The following HDGF variants were observed in gnomAD, a reference collection of about 807,000 sequenced individuals.
HDGF encodes the protein hepatoma-derived growth factor.
HDGF carries 5 observed loss-of-function variants against 30.0 expected under a neutral mutation model. The ratio of observed to expected loss-of-function variants is 0.17; its 90% CI spans 0.09 to 0.35. The LOEUF (loss-of-function observed/expected upper bound fraction) is 0.35. Ranked by LOEUF, HDGF falls within the 10% of genes least tolerant of loss-of-function variation. The pLI is 1.00. For synonymous variants in HDGF, 133 were observed against 112.7 expected (o/e 1.18, Z -1.14); for missense variants, 214 against 302.8 (o/e 0.71, Z 2.18).
upstream of HDGF, among the ~76,000 whole-genome samples, chr1:156,756,793 C>CT (rs558782106): frequency 0.022 from 2,706 of 122,422 alleles, 135 homozygotes; most frequent in African/African-American, 0.07. Context: ...AAAAGGTGGT[C>CT]TTTTTTTTTT....
chr1:156,752,611 A>G (rs1486445990), upstream of HDGF, among the ~76,000 whole-genome samples: 2 of 152,176 alleles, frequency 1.3e-5, no homozygotes, highest in African/African-American at 2.4e-5. Flanking sequence ...AATTTTGCCA[A>G]ATTCTGCGAG....
Position 156,742,968 on chromosome 1 carries a change from G to A in HDGF, c.*481C>T, listed in dbSNP as rs574912091. 2.6e-3 allele frequency: 409 copies of A among 155,460 alleles called. 2 individuals carry two copies. The highest frequency in any genetic ancestry group is 9.5e-3 in the African/African-American group (395 of 41,652). 9.6% of individuals were successfully genotyped at this position (155,460 alleles called of 1,614,324 possible). Reference sequence around the variant, plus strand: ...GGGGACAGGAGCTCAGAAGGAGGCCGCCCTCCTGTGCTGCCCCCACCCCGC... The same window carrying A: ...GGGGACAGGAGCTCAGAAGGAGGCCACCCTCCTGTGCTGCCCCCACCCCGC... On this transcript the variant is annotated 3_prime_UTR_variant, in exon 6 of 6. Transcript: ENST00000357325.
At chr1:156,747,250 G>GCGC (rs1650628756) in intron 1 of HDGF, among the ~76,000 whole-genome samples, 1 of 14,180 alleles carries the variant, frequency 7.1e-5, no homozygotes, top group Non-Finnish European at 1.3e-4. Context: ...CCTCCCCCCC[G>GCGC]CCCCCCCCCC....
intron 1 of HDGF, among the ~76,000 whole-genome samples, chr1:156,762,931 G>A (rs1408264637): frequency 1.3e-5 from 2 of 151,902 alleles, no homozygotes; most frequent in Non-Finnish European, 2.9e-5. Context: ...GAGTTTGTAG[G>A]GGGAATCCCT....
chr1:156,756,801 T>TC (rs1186861494), upstream of HDGF, among the ~76,000 whole-genome samples: 2 of 150,194 alleles, frequency 1.3e-5, no homozygotes, highest in East Asian at 3.9e-4. Flanking sequence ...GTCTTTTTTT[T>TC]TTTTTTTTTT....
intron 1 of HDGF, among the ~76,000 whole-genome samples, chr1:156,765,553 C>T (rs1014500514): frequency 7.4e-6 from 1 of 134,338 alleles, no homozygotes; most frequent in Non-Finnish European, 1.5e-5. Context: ...CGGCTTACTG[C>T]AACCTCTGCC....
intron 1 of HDGF, among the ~76,000 whole-genome samples, chr1:156,762,212 AAAAC>A (rs960955035): frequency 8.6e-5 from 13 of 151,832 alleles, no homozygotes; most frequent in African/African-American, 2.9e-4. Context: ...AAACAATAGG[AAAAC>A]AAACAACATG....
chr1:156,749,889 C>A (rs561002716), intron 1 of HDGF, among the ~76,000 whole-genome samples: 1 of 152,318 alleles, frequency 6.6e-6, no homozygotes, highest in African/African-American at 2.4e-5. Flanking sequence ...GTCCTACCCA[C>A]CAGGGCCTTG....
intron 4 of HDGF, 70 bp downstream of exon 4, chr1:156,744,093 G>C: frequency 6.6e-7 from 1 of 1,525,228 alleles, no homozygotes; most frequent in Middle Eastern, 1.7e-4. Flanking sequence ...CTGAGGCAAA[G>C]CCCTGCTCCT....
Position 156,751,358 on chromosome 1 carries a change from T to A in HDGF, c.72A>T (p.Pro24=). The A allele has an allele frequency of 6.2e-7, 1 of 1,608,874 alleles. No individual in the cohort carries two copies. The highest frequency in any genetic ancestry group is 8.5e-7 in the Non-Finnish European group (1 of 1,177,286). The change falls in exon 1 of 6, where the codon CCA becomes CCT. Residue 24 remains proline (P), a synonymous_variant. Transcript: ENST00000357325. The surrounding 1 kb of genome is among the most constrained non-coding windows in gnomAD (Gnocchi z 4.7). ...DLVFAKMKGY[P]HWPARIDEMP... is the part of the protein sequence containing the mutation. ...CGCTGCTCACCCGGGCCGGCCAGTG[T>A]GGGTAGCCCTTCATCTTGGCGAACA...
intron 2 of HDGF, among the ~76,000 whole-genome samples, chr1:156,757,542 C>T (rs1022146071): frequency 6.6e-6 from 1 of 151,638 alleles, no homozygotes; most frequent in African/African-American, 2.4e-5. Context: ...CCTGTAATCC[C>T]AGCACTTTGG....
Position 156,751,311 on chromosome 1 carries a change from G to T in HDGF, c.87+32C>A, listed in dbSNP as rs777643812. 8 of 1,597,172 alleles carry T rather than the reference G, an allele frequency of 5.0e-6. No individual in the cohort carries two copies. The Admixed American group carries it at 1.0e-4, about 20-fold the overall frequency. ...GGTGTTATGCAACCCAAGCCCGCAG[G>T]GGGTTAGGGGGCGGCGGGCCGCGCT... On this transcript the variant is annotated intron_variant, in intron 1 of 5. Transcript: ENST00000357325. The surrounding 1 kb of genome is among the most constrained non-coding windows in gnomAD (Gnocchi z 4.7).
chr1:156,765,567 C>T (rs1023167562), intron 1 of HDGF, among the ~76,000 whole-genome samples: 5 of 147,292 alleles, frequency 3.4e-5, no homozygotes, highest in South Asian at 2.1e-4. Flanking sequence ...CTCTGCCTCC[C>T]GGGTTCAAAC....
chr1:156,743,005 G>A lies in HDGF; in HGVS notation c.*444C>T. 6.3e-6 allele frequency: 1 copy of A among 159,594 alleles called. No homozygotes were observed. Among genetic ancestry groups the A allele is most frequent in the Non-Finnish European group, 1.4e-5 (1 of 72,726 alleles). 9.9% of individuals were successfully genotyped at this position (159,594 alleles called of 1,614,324 possible). A position where few individuals can be genotyped will look rare whatever the true frequency, so the allele number is the denominator to read the frequency against. ...TGCCCCCACCCCGCATTTGAGGATT[G>A]CCCCTCCCAGGCCCCACAAGCCCAC... On this transcript the variant is annotated 3_prime_UTR_variant, in exon 6 of 6. Coordinates refer to ENST00000357325, the MANE Select transcript of HDGF (RefSeq NM_004494.3).
Position 156,744,234 on chromosome 1 carries a change from C to G in HDGF, c.418G>C (p.Val140Leu). The G allele has an allele frequency of 6.2e-7, 1 of 1,614,140 alleles. No individual in the cohort carries two copies. The highest frequency in any genetic ancestry group is 8.5e-7 in the Non-Finnish European group (1 of 1,180,034). ...EGSSDEEGKL[V>L]IDEPAKEKNE... is the part of the protein sequence containing the mutation. ...TTCTCCTTGGCTGGCTCATCAATGA[C>G]CAGCTTCCCTTCCTCGTCGCTGCTG... Residue 140 changes from valine (V) to leucine (L), a missense_variant, in exon 4 of 6, where the codon GTC (valine) becomes CTC (leucine). Physicochemically the swap from Val to Leu is conservative, Grantham distance 32. This residue lies in a region of HDGF where 176 missense variants were observed against 211.7 expected (regional missense o/e 0.83). Coordinates refer to ENST00000357325, the MANE Select transcript of HDGF (RefSeq NM_004494.3).
At chr1:156,745,551 A>G (rs1479744424) in intron 1 of HDGF, among the ~76,000 whole-genome samples, 178 bp from the exon 2 acceptor site, 1 of 152,158 alleles carries the variant, frequency 6.6e-6, no homozygotes, top group Non-Finnish European at 1.5e-5. Flanking sequence ...GAAGTCAGAC[A>G]TGAAAGCCCA....
chr1:156,764,026 A>G (rs1651305057), intron 1 of HDGF, among the ~76,000 whole-genome samples: 1 of 151,048 alleles, frequency 6.6e-6, no homozygotes, highest in South Asian at 2.1e-4. Context: ...GCCCTTCCCA[A>G]TGAGGTGGGA....
At chr1:156,767,324 A>G (rs1651418806), upstream of HDGF, among the ~76,000 whole-genome samples, 1 of 152,050 alleles carries the variant, frequency 6.6e-6, no homozygotes, top group Admixed American at 6.5e-5. Context: ...TTAGGCGACG[A>G]AAAAAACTAC....
At position 156,744,933 on chromosome 1, in the gene HDGF, C is replaced by A. The variant is rs1274650871; in HGVS notation, c.303+75G>T. 7.7e-6 allele frequency: 12 copies of A among 1,554,826 alleles called. No individual in the cohort carries two copies. In the Admixed American group the frequency reaches 2.0e-4, roughly 26 times the overall value. The stretch of plus-strand genomic sequence containing the variant: ...GGAGTTTCTGAAGACTAAGCATCAT[C>A]TGTGGGCCGGGGGCTGCCAGAGCCC... On this transcript the variant is annotated intron_variant, in intron 3 of 5. Coordinates refer to ENST00000357325, the MANE Select transcript of HDGF (RefSeq NM_004494.3).
Sources: allele counts gnomAD v4.1 joint callset (sites outside exome capture counted in the v4.1 genomes callset), GRCh38; gene constraint gnomAD v4.1.1; regional missense constraint gnomAD v4.1.1; non-coding constraint Gnocchi (gnomAD v3.1); transcripts MANE v1.5; gene names NCBI Gene and HGNC (gene_info 2026-07-23, HGNC 2026-07-21).